The following TNRC6B variants were observed in gnomAD, a reference collection of about 807,000 sequenced individuals.
TNRC6B encodes trinucleotide repeat-containing gene 6B protein.
In TNRC6B, 52 loss-of-function variants were observed where a neutral mutation model predicts 203.6. The ratio of observed to expected loss-of-function variants is 0.26; its 90% CI spans 0.20 to 0.32. The LOEUF is 0.32. Among genes scored for constraint, TNRC6B ranks in the 10% least tolerant of loss-of-function variants. The pLI is 1.00. For missense variants in TNRC6B, 1,923 were observed against 2,286.2 expected, an observed-to-expected ratio of 0.84 and a Z score of 3.24; for synonymous variants, 838 against 845.7, an observed-to-expected ratio of 0.99 and a Z score of 0.16.
At chr22:40,238,555 T>G (rs1205252031) in intron 1 of TNRC6B, among the ~76,000 whole-genome samples, 1 of 152,072 alleles carries the variant, frequency 6.6e-6, no homozygotes, top group Admixed American at 6.5e-5. Context: ...TTGCCATTCC[T>G]CAGATACACC....
intron 3 of TNRC6B, among the ~76,000 whole-genome samples, chr22:40,253,323 C>A (rs893470537): frequency 9.3e-5 from 14 of 151,052 alleles, no homozygotes; most frequent in Non-Finnish European, 2.1e-4. Context: ...GTGTCCTGAC[C>A]TCGTGATCCG....
In TNRC6B at chr22:40,312,996, A is replaced by G. The variant is rs778845307; in HGVS notation, c.4677A>G (p.Ser1559=). Residue 1559 remains serine (S), a splice_region_variant and synonymous_variant, in exon 19 of 23, where the codon TCA becomes TCG. Coordinates refer to ENST00000454349, the MANE Select transcript of TNRC6B (RefSeq NM_001162501.2). The part of the protein sequence containing the change: ...DNSFTNVHST[S]AKFPDYKSTW... ...CCTTTACCAACGTTCATAGCACTTC[A>G]GGTATGAGTGTGAATTTTTTGTTTC... 2.5e-6 allele frequency: 4 copies of G among 1,611,664 alleles called. No individual in the cohort carries two copies. The highest frequency in any genetic ancestry group is 3.4e-6 in the Non-Finnish European group (4 of 1,178,342).
At chr22:40,160,010 C>T (rs2146356882) in intron 4 of TNRC6B, among the ~76,000 whole-genome samples, 1 of 152,238 alleles carries the variant, frequency 6.6e-6, no homozygotes, top group East Asian at 1.9e-4. Flanking sequence ...GAAATGAGGT[C>T]TCACGTTGTT....
At chr22:40,086,603 A>G (rs894750951) in intron 1 of TNRC6B, among the ~76,000 whole-genome samples, 4 of 152,204 alleles carry the variant, frequency 2.6e-5, no homozygotes, top group Non-Finnish European at 4.4e-5. Context: ...GCACATTTGG[A>G]TGCTTGAACA....
intron 3 of TNRC6B, among the ~76,000 whole-genome samples, chr22:40,261,509 C>T (rs908894512): frequency 6.6e-5 from 10 of 151,616 alleles, no homozygotes; most frequent in African/African-American, 1.5e-4. Context: ...ACCTGGGAGG[C>T]GGAGGTTGCA....
rs770714168 is a variant in TNRC6B at position 40,264,743 on chromosome 22, G to T, written c.513G>T (p.Ser171=). Residue 171 remains serine, a synonymous_variant, in exon 5 of 23, where the codon TCG becomes TCT. Transcript: ENST00000454349. ...ASNYANSTWG[S]GASSNNGTSP... Reference sequence around the variant, plus strand: ...ATTATGCAAATTCCACTTGGGGCTCGGGAGCCTCCTCCAACAACGGCACCT... The same window carrying T: ...ATTATGCAAATTCCACTTGGGGCTCTGGAGCCTCCTCCAACAACGGCACCT... 1.2e-6 allele frequency: 2 copies of T among 1,610,266 alleles called. No homozygotes were observed. The highest frequency in any genetic ancestry group is 2.7e-5 in the African/African-American group (2 of 74,740).
intron 1 of TNRC6B, among the ~76,000 whole-genome samples, chr22:40,189,937 T>G (rs892896807): frequency 6.6e-6 from 1 of 152,170 alleles, no homozygotes; most frequent in Non-Finnish European, 1.5e-5. Flanking sequence ...GAATGAACAG[T>G]CTCAGAATAA....
chr22:40,278,389 C>T (rs1057190099), intron 9 of TNRC6B, among the ~76,000 whole-genome samples: 4 of 151,916 alleles, frequency 2.6e-5, no homozygotes, highest in African/African-American at 9.7e-5. Flanking sequence ...GAAACCCCAT[C>T]TCTACTAAAA....
In TNRC6B at chr22:40,264,810, G is replaced by A. The variant is rs374065718; in HGVS notation, c.580G>A (p.Gly194Arg). 2.5e-5 allele frequency: 41 copies of A among 1,613,856 alleles called. No individual in the cohort carries two copies. Among genetic ancestry groups the A allele is most frequent in the African/African-American group, 4.0e-5 (3 of 74,906 alleles). ...CATCTGGGACAAGGTGATTGTAGAC[G>A]GGTCTGACATGGAAGAGTGGCCTTG... is the stretch of plus-strand genomic sequence containing the variant. ...IHIWDKVIVD[G>R]SDMEEWPCIA... Residue 194 changes from glycine to arginine, a missense_variant, in exon 5 of 23, where the codon GGG (glycine) becomes AGG (arginine). Gly to Arg is a moderately radical substitution (Grantham distance 125, BLOSUM62 -2). Coordinates refer to ENST00000454349, the MANE Select transcript of TNRC6B (RefSeq NM_001162501.2).
intron 15 of TNRC6B, among the ~76,000 whole-genome samples, chr22:40,306,704 G>A (rs930974761): frequency 1.3e-5 from 2 of 152,246 alleles, no homozygotes; most frequent in East Asian, 3.9e-4. Context: ...AAATAAATAA[G>A]GCCAGGCACG....
At position 40,334,927 on chromosome 22, in the gene TNRC6B, A is replaced by T. The variant is rs1264255249; in HGVS notation, c.*11686A>T. 1.3e-5 allele frequency: 2 copies of T among 152,590 alleles called. No homozygotes were observed. Among genetic ancestry groups the T allele is most frequent in the Non-Finnish European group, 2.9e-5 (2 of 68,032 alleles). 9.5% of individuals were successfully genotyped at this position (152,590 alleles called of 1,614,324 possible). A position where few individuals can be genotyped will look rare whatever the true frequency, so the allele number is the denominator to read the frequency against. On this transcript the variant is annotated 3_prime_UTR_variant, in exon 23 of 23. Transcript: ENST00000454349. ...ACAGGTAACAGGAAGGTACAGCAAA[A>T]ATCCTCTCATCTGAAACACTGTCAG... is the stretch of plus-strand genomic sequence containing the variant.
chr22:40,228,695 AT>A (rs977130124), intron 1 of TNRC6B, among the ~76,000 whole-genome samples: 23 of 144,474 alleles, frequency 1.6e-4, no homozygotes, highest in Admixed American at 2.1e-4. Context: ...AATTTTTTGT[AT>A]TTTTTTTTTA....
chr22:40,228,817 C>T (rs557714615), intron 1 of TNRC6B, among the ~76,000 whole-genome samples: 37 of 152,132 alleles, frequency 2.4e-4, no homozygotes, highest in Non-Finnish European at 5.0e-4. Flanking sequence ...AGCCACCGCG[C>T]CCAGCCCCAG....
chr22:40,266,413 A>C lies in TNRC6B; in HGVS notation c.2183A>C (p.Lys728Thr). 6.2e-7 allele frequency: 1 copy of C among 1,613,926 alleles called. No homozygotes were observed. Among genetic ancestry groups the C allele is most frequent in the Non-Finnish European group, 8.5e-7 (1 of 1,179,866 alleles). ...TCCTCTTGGAATGAGAATCCCAGCA[A>C]GGATCAGGGGTGGGGAGGTGGACGC... ...TPSSWNENPSKDQGWGGGRQP... is the reference protein window; with the variant it reads ...TPSSWNENPSTDQGWGGGRQP... The change falls in exon 5 of 23, where the codon AAG becomes ACG. Residue 728 changes from lysine to threonine, a missense_variant. Coordinates refer to ENST00000454349, the MANE Select transcript of TNRC6B (RefSeq NM_001162501.2).
intron 4 of TNRC6B, among the ~76,000 whole-genome samples, chr22:40,162,133 G>T (rs1569003240): frequency 6.6e-6 from 1 of 152,136 alleles, no homozygotes; most frequent in Non-Finnish European, 1.5e-5. Flanking sequence ...TTTCGCTCTT[G>T]TTGCCCAAAC....
intron 3 of TNRC6B, among the ~76,000 whole-genome samples, chr22:40,258,983 A>G (rs1290464514): frequency 1.3e-5 from 2 of 152,162 alleles, no homozygotes; most frequent in East Asian, 3.9e-4. Context: ...CCTTTATAGC[A>G]GGGCAGCCTT....
chr22:40,292,481 A>G (rs941143417), intron 12 of TNRC6B, among the ~76,000 whole-genome samples: 45 of 152,220 alleles, frequency 3.0e-4, no homozygotes, highest in African/African-American at 1.1e-3. Flanking sequence ...AACATATTCC[A>G]GCAGGCTTTT....
At chr22:40,114,277 C>T (rs973242258) in intron 1 of TNRC6B, among the ~76,000 whole-genome samples, 1 of 151,928 alleles carries the variant, frequency 6.6e-6, no homozygotes, top group African/African-American at 2.4e-5. Flanking sequence ...CTAATTAAAT[C>T]CTGTGAGTTT....
intron 1 of TNRC6B, among the ~76,000 whole-genome samples, chr22:40,180,037 A>G (rs889580435): frequency 6.6e-6 from 1 of 152,206 alleles, no homozygotes; most frequent in Non-Finnish European, 1.5e-5. Flanking sequence ...GCTTTTGTGT[A>G]AGAAGGATTG....
Sources: allele counts gnomAD v4.1 joint callset (sites outside exome capture counted in the v4.1 genomes callset), GRCh38; gene constraint gnomAD v4.1.1; transcripts MANE v1.5; gene names NCBI Gene and HGNC (gene_info 2026-07-23, HGNC 2026-07-21).